AIDA: variants seen among roughly 807,000 people sequenced by gnomAD.
AIDA encodes axin interactor, dorsalization associated.
In AIDA, 18 loss-of-function variants were observed where a neutral mutation model predicts 42.7. The observed-to-expected ratio is 0.42, with a 90% CI of 0.29 to 0.63. The LOEUF (loss-of-function observed/expected upper bound fraction) is 0.63, where lower values mean the gene tolerates loss of function less well. AIDA is among the 20% of genes least tolerant of loss of function. The pLI, the probability that AIDA is intolerant of heterozygous loss-of-function variation, is 0.19. For synonymous variants in AIDA, 104 were observed against 122.9 expected (o/e 0.85, Z 1.02); for missense variants, 250 against 354.1 (o/e 0.71, Z 2.36).
rs140016986 is a variant in AIDA at position 222,683,377 on chromosome 1, G to A, written c.460+3553C>T. Among the ~76,000 whole-genome samples, 835 of 152,188 alleles carry A rather than the reference G, an allele frequency of 5.5e-3. 2 individuals are homozygous for A. The highest frequency in any genetic ancestry group is 0.019 in the African/African-American group (803 of 41,530). On this transcript the variant is annotated intron_variant, in intron 6 of 9. Transcript: ENST00000340020. ...AGAAAAGAAACTGCTTCATTTCAGCGGAAAATAAAATCCATGCTTTCTTAT... is the reference window on the plus strand; with the variant it reads ...AGAAAAGAAACTGCTTCATTTCAGCAGAAAATAAAATCCATGCTTTCTTAT...
intron 7 of AIDA, among the ~76,000 whole-genome samples, chr1:222,675,652 A>G (rs1306774062): frequency 6.6e-6 from 1 of 152,200 alleles, no homozygotes; most frequent in South Asian, 2.1e-4. Flanking sequence ...GGACTCTCCA[A>G]TGTAGACCTC....
intron 2 of AIDA, 86 bp downstream of exon 2, chr1:222,703,059 TTTG>T (rs901443103): frequency 7.6e-6 from 8 of 1,050,438 alleles, no homozygotes; most frequent in Middle Eastern, 3.2e-4. Flanking sequence ...TTGTTTTTGT[TTTG>T]TTGTTTTTTG....
chr1:222,677,055 G>T (rs995578177), intron 6 of AIDA, among the ~76,000 whole-genome samples: 1 of 151,694 alleles, frequency 6.6e-6, no homozygotes, highest in African/African-American at 2.4e-5. Context: ...ACTTTTTAAA[G>T]ACTTCTTAAT....
At chr1:222,681,723 C>T (rs949804137) in intron 6 of AIDA, among the ~76,000 whole-genome samples, 4 of 152,246 alleles carry the variant, frequency 2.6e-5, no homozygotes, top group African/African-American at 4.8e-5. Flanking sequence ...AGCAACAGGG[C>T]AGGCTCTCAG....
chr1:222,703,306 G>T, intron 1 of AIDA, 89 bp from the exon 2 acceptor site: 2 of 908,456 alleles, frequency 2.2e-6, no homozygotes, highest in Non-Finnish European at 3.3e-6. Context: ...AACATGTGAA[G>T]TACAATTATT....
chr1:222,689,574 TATATATACACACACACACAC>T (rs1268605320), intron 4 of AIDA, among the ~76,000 whole-genome samples: 1 of 132,110 alleles, frequency 7.6e-6, no homozygotes. Context: ...TATATGTATA[TATATATACACACACACACAC>T]ATATATATAC....
chr1:222,695,283 G>T (rs926686751), intron 2 of AIDA, among the ~76,000 whole-genome samples: 30 of 152,196 alleles, frequency 2.0e-4, no homozygotes, highest in African/African-American at 6.5e-4. Flanking sequence ...CTTGAGGTTG[G>T]GGGTTCAAGA....
intron 4 of AIDA, among the ~76,000 whole-genome samples, chr1:222,691,216 G>C (rs1301599651): frequency 1.3e-5 from 2 of 152,164 alleles, no homozygotes; most frequent in Non-Finnish European, 2.9e-5. Context: ...CGAACAGCCT[G>C]GAGCAACAAC....
At position 222,674,262 on chromosome 1, in the gene AIDA, G is replaced by A. The variant is rs370424978; in HGVS notation, c.584-827C>T. Among the ~76,000 whole-genome samples, 26 of 152,240 alleles carry A rather than the reference G, an allele frequency of 1.7e-4. No individual in the cohort carries two copies. In the East Asian group the frequency reaches 2.7e-3, roughly 16 times the overall value. ...GAGGCATGTGGAGGGGGCTGAGTGAGGGGATGGGAGATTTCGCGGTGGGAA... is the reference window on the plus strand; with the variant it reads ...GAGGCATGTGGAGGGGGCTGAGTGAAGGGATGGGAGATTTCGCGGTGGGAA... On this transcript the variant is annotated intron_variant, in intron 7 of 9. Coordinates refer to ENST00000340020, the MANE Select transcript of AIDA (RefSeq NM_022831.4).
intron 2 of AIDA, among the ~76,000 whole-genome samples, chr1:222,700,978 G>GGGC (rs1655678904): frequency 6.8e-6 from 1 of 146,008 alleles, no homozygotes; most frequent in Non-Finnish European, 1.5e-5. Context: ...TTTTGGGGGG[G>GGGC]GGGGGACAGG....
Position 222,669,763 on chromosome 1 carries a change from CTCCG to C in AIDA, c.*126_*129del, listed in dbSNP as rs1664411052. 1 of 897,700 alleles carries C rather than the reference CTCCG, an allele frequency of 1.1e-6. No individual in the cohort carries two copies. Among genetic ancestry groups the C allele is most frequent in the Non-Finnish European group, 1.7e-6 (1 of 594,220 alleles). 55.6% of individuals were successfully genotyped at this position (897,700 alleles called of 1,614,324 possible). On this transcript the variant is annotated 3_prime_UTR_variant, in exon 10 of 10. Coordinates refer to ENST00000340020, the MANE Select transcript of AIDA (RefSeq NM_022831.4). Reference sequence around the variant, plus strand: ...TTCTGTGGTACAGCTTTGCATTGGACTCCGTCCGGCCTACTGGTCTGGGTACGGC... The same window carrying C: ...TTCTGTGGTACAGCTTTGCATTGGACTCCGGCCTACTGGTCTGGGTACGGC...
intron 4 of AIDA, among the ~76,000 whole-genome samples, chr1:222,691,677 T>G (rs1655380148): frequency 6.6e-6 from 1 of 152,168 alleles, no homozygotes; most frequent in South Asian, 2.1e-4. Context: ...AAATATCAAT[T>G]AATCACTAAC....
intron 4 of AIDA, among the ~76,000 whole-genome samples, chr1:222,690,936 CAG>C (rs1655352922): frequency 6.6e-6 from 1 of 152,132 alleles, no homozygotes; most frequent in Non-Finnish European, 1.5e-5. Flanking sequence ...GTGATAAAGA[CAG>C]AGAGTCTTTG....
chr1:222,674,021 A>G (rs959807673), intron 7 of AIDA, among the ~76,000 whole-genome samples: 1 of 152,080 alleles, frequency 6.6e-6, no homozygotes, highest in Non-Finnish European at 1.5e-5. Context: ...CGGGAGGCAG[A>G]GGTTGCAGTG....
At chr1:222,693,072 T>C (rs1036903970) in intron 4 of AIDA, among the ~76,000 whole-genome samples, 1 of 152,152 alleles carries the variant, frequency 6.6e-6, no homozygotes, top group African/African-American at 2.4e-5. Flanking sequence ...AGAACTCAAC[T>C]ATATGACTCT....
chr1:222,685,759 T>A (rs1282625241), intron 6 of AIDA, among the ~76,000 whole-genome samples: 1 of 152,138 alleles, frequency 6.6e-6, no homozygotes, highest in Non-Finnish European at 1.5e-5. Flanking sequence ...AATAAAAAAG[T>A]TTCCGTATAT....
At position 222,689,540 on chromosome 1, in the gene AIDA, CAT is replaced by C. The variant is rs1238062853; in HGVS notation, c.290-1884_290-1883del. On this transcript the variant is annotated intron_variant, in intron 4 of 9. Transcript: ENST00000340020. ...ATATATACACACATACACACACACA[CAT>C]ATATATACATATATATGTATATATA... Among the ~76,000 whole-genome samples, 130 of 72,790 alleles carry C rather than the reference CAT, an allele frequency of 1.8e-3. 1 individual carries two copies. The highest frequency in any genetic ancestry group is 4.3e-3 in the African/African-American group (83 of 19,154). The allele number at this position is 72,790 out of a possible 152,430, so 47.8% of individuals were successfully genotyped here. A position where few individuals can be genotyped will look rare whatever the true frequency, so the allele number is the denominator to read the frequency against.
chr1:222,710,477 G>A (rs1031019076), intron 1 of AIDA, among the ~76,000 whole-genome samples: 2 of 152,092 alleles, frequency 1.3e-5, no homozygotes, highest in Admixed American at 6.5e-5. Context: ...TTGTGAAGTC[G>A]GCTGCCCAGT....
chr1:222,690,378 T>G (rs1279851234), intron 4 of AIDA, among the ~76,000 whole-genome samples: 1 of 152,234 alleles, frequency 6.6e-6, no homozygotes, highest in Non-Finnish European at 1.5e-5. Flanking sequence ...CTTACAATTC[T>G]AGCTACCTCT....
Sources: allele counts gnomAD v4.1 joint callset (sites outside exome capture counted in the v4.1 genomes callset), GRCh38; gene constraint gnomAD v4.1.1; transcripts MANE v1.5; gene names NCBI Gene and HGNC (gene_info 2026-07-23, HGNC 2026-07-21).